The following ANKDD1A variants were observed in gnomAD, a reference collection of about 807,000 sequenced individuals.
The protein encoded by ANKDD1A is ankyrin repeat and death domain containing 1A.
ANKDD1A carries 59 observed loss-of-function variants against 63.5 expected under a neutral mutation model. That is an observed-to-expected ratio of 0.93 (90% CI 0.75 to 1.15). The LOEUF (loss-of-function observed/expected upper bound fraction) is 1.15. Among genes scored for constraint, ANKDD1A ranks in the 50% most tolerant of loss-of-function variants. The pLI, the probability that ANKDD1A is intolerant of heterozygous loss-of-function variation, is 0.00. For missense variants in ANKDD1A, 632 were observed against 656.4 expected, an observed-to-expected ratio of 0.96 and a Z score of 0.41; for synonymous variants, 266 against 263.9, an observed-to-expected ratio of 1.01 and a Z score of -0.08.
rs1490907752 is a variant in ANKDD1A at position 64,957,659 on chromosome 15, C to CTTCTA, written c.*474_*478dup. Reference sequence around the variant, plus strand: ...CACATTGTAGCTGTTCATGTGTCTGCTTCTATTGCATATTGTAAAATTATT... The same window carrying CTTCTA: ...CACATTGTAGCTGTTCATGTGTCTGCTTCTATTCTATTGCATATTGTAAAATTATT... On this transcript the variant is annotated 3_prime_UTR_variant, in exon 15 of 15. Transcript: ENST00000319580. 1 of 152,284 alleles carries CTTCTA rather than the reference C, an allele frequency of 6.6e-6. No individual in the cohort carries two copies. The highest frequency in any genetic ancestry group is 2.4e-5 in the African/African-American group (1 of 41,438). 9.4% of individuals were successfully genotyped at this position (152,284 alleles called of 1,614,324 possible).
intron 7 of ANKDD1A, 126 bp downstream of exon 7, chr15:64,931,046 C>A: frequency 1.0e-6 from 1 of 958,206 alleles, no homozygotes. Context: ...GAACTGAGAG[C>A]CCACCAGGGA....
intron 14 of ANKDD1A, among the ~76,000 whole-genome samples, chr15:64,951,623 TCTC>T (rs1460801494): frequency 0.17 from 6,273 of 36,512 alleles, 553 homozygotes; most frequent in African/African-American, 0.31. Context: ...TTATTCTTCT[TCTC>T]TTCTTTTCTT....
At chr15:64,954,806 TTCC>T (rs2085398399) in intron 14 of ANKDD1A, among the ~76,000 whole-genome samples, 2 of 150,786 alleles carry the variant, frequency 1.3e-5, no homozygotes, top group African/African-American at 2.4e-5. Flanking sequence ...GTTGTTCTTC[TTCC>T]TTGTTCTTCT....
chr15:64,956,717 G>A (rs966413518), intron 14 of ANKDD1A, among the ~76,000 whole-genome samples: 12 of 152,110 alleles, frequency 7.9e-5, no homozygotes, highest in African/African-American at 2.4e-4. Flanking sequence ...CATCATGCCC[G>A]GCTAATTTTT....
At position 64,940,389 on chromosome 15, in the gene ANKDD1A, ATGAT is replaced by A. The variant is rs543155984; in HGVS notation, c.868-2073_868-2070del. Among the ~76,000 whole-genome samples, 1,018 of 143,160 alleles carry A rather than the reference ATGAT, an allele frequency of 7.1e-3. 42 individuals carry two copies. The South Asian group carries it at 0.12, about 17-fold the overall frequency. The allele number at this position is 143,160 out of a possible 152,430, so 93.9% of individuals were successfully genotyped here. On this transcript the variant is annotated intron_variant, in intron 9 of 14. Transcript: ENST00000319580. Reference sequence around the variant, plus strand: ...CTCCACCATCCATGGTGGGGATAGGATGATTGATAGATAGATAGATAGATAGATA... The same window carrying A: ...CTCCACCATCCATGGTGGGGATAGGATGATAGATAGATAGATAGATAGATA...
intron 8 of ANKDD1A, chr15:64,932,147 C>T (rs939820034): frequency 6.5e-6 from 1 of 152,786 alleles, no homozygotes; most frequent in Non-Finnish European, 1.5e-5. Flanking sequence ...CCACCTGCCT[C>T]AGCCTTCCAA....
intron 6 of ANKDD1A, among the ~76,000 whole-genome samples, chr15:64,927,225 G>A (rs990448867): frequency 3.3e-5 from 5 of 152,244 alleles, no homozygotes; most frequent in Non-Finnish European, 1.5e-5. Context: ...CCAAGACACC[G>A]TTTCTTACTC....
At chr15:64,932,816 G>A (rs1312373831) in intron 8 of ANKDD1A, 1 of 152,074 alleles carries the variant, frequency 6.6e-6, no homozygotes, top group Admixed American at 6.5e-5. Context: ...TGGGCAAGGT[G>A]GCTCATGCCT....
chr15:64,926,074 G>A lies in ANKDD1A; in HGVS notation c.375G>A (p.Leu125=). Residue 125 remains leucine, a synonymous_variant, in exon 5 of 15, where the codon CTG becomes CTA. Coordinates refer to ENST00000319580, the MANE Select transcript of ANKDD1A (RefSeq NM_182703.6). ...AKIHCESKDG[L]TLLHCAAQKG... is the part of the protein sequence containing the mutation. ...CCTGCACTTGTTTCCAGGATGGCCT[G>A]ACCTTACTGCACTGCGCAGCCCAAA... 6.2e-7 allele frequency: 1 copy of A among 1,613,328 alleles called. No individual in the cohort carries two copies. Among genetic ancestry groups the A allele is most frequent in the African/African-American group, 1.3e-5 (1 of 75,044 alleles).
At chr15:64,952,399 CCTTCTT>C (rs200820237) in intron 14 of ANKDD1A, among the ~76,000 whole-genome samples, 6 of 56,744 alleles carry the variant, frequency 1.1e-4, no homozygotes, top group African/African-American at 3.4e-4. Flanking sequence ...TCTTCTTCCT[CCTTCTT>C]CTTCTTCTCC....
chr15:64,931,908 T>G (rs1665550766), intron 8 of ANKDD1A: 2 of 497,194 alleles, frequency 4.0e-6, no homozygotes, highest in Non-Finnish European at 7.2e-6. Flanking sequence ...TGTTTTAATT[T>G]TTTTGAGATG....
intron 9 of ANKDD1A, among the ~76,000 whole-genome samples, chr15:64,940,442 A>AGATT (rs1555442482): frequency 1.2e-4 from 18 of 149,066 alleles, no homozygotes; most frequent in African/African-American, 4.2e-4. Context: ...ATATATAGAT[A>AGATT]TTTTTTTTGA....
rs544046184 is a variant in ANKDD1A, at chr15:64,954,430, TTCG to T, written c.1484-2667_1484-2665del. Among the ~76,000 whole-genome samples, 1,257 of 146,164 alleles carry T rather than the reference TTCG, an allele frequency of 8.6e-3. 11 individuals carry two copies. The highest frequency in any genetic ancestry group is 0.021 in the South Asian group (93 of 4,330). ...CTCTTCTTCCTCCTCTCCTCCTTCGTTCGTCGTCTTCTCCTTCTTCTTCTTCCC... is the reference window on the plus strand; with the variant it reads ...CTCTTCTTCCTCCTCTCCTCCTTCGTTCGTCTTCTCCTTCTTCTTCTTCCC... On this transcript the variant is annotated intron_variant, in intron 14 of 14. Coordinates refer to ENST00000319580, the MANE Select transcript of ANKDD1A (RefSeq NM_182703.6).
At chr15:64,952,436 C>G (rs1349497716) in intron 14 of ANKDD1A, among the ~76,000 whole-genome samples, 1 of 136,418 alleles carries the variant, frequency 7.3e-6, no homozygotes, top group African/African-American at 2.8e-5. Flanking sequence ...TCTTCTCCTC[C>G]TCCTTTCTTC....
chr15:64,926,425 G>T (rs975264850), intron 5 of ANKDD1A, among the ~76,000 whole-genome samples: 11 of 152,156 alleles, frequency 7.2e-5, no homozygotes, highest in Non-Finnish European at 1.5e-4. Flanking sequence ...CATTGCTTCT[G>T]CTTCCTGGAG....
At chr15:64,920,231 A>G (rs1567110044) in intron 3 of ANKDD1A, among the ~76,000 whole-genome samples, 1 of 152,126 alleles carries the variant, frequency 6.6e-6, no homozygotes, top group Non-Finnish European at 1.5e-5. Context: ...CAGAGAAGAA[A>G]AGACTCCGGG....
intron 9 of ANKDD1A, 70 bp downstream of exon 9, chr15:64,934,304 A>C: frequency 1.4e-6 from 2 of 1,422,156 alleles, no homozygotes; most frequent in Non-Finnish European, 9.7e-7. Flanking sequence ...GATGAAGCAC[A>C]GGGAGAAACA....
chr15:64,944,409 G>T (rs981112232), intron 11 of ANKDD1A, among the ~76,000 whole-genome samples: 4 of 152,214 alleles, frequency 2.6e-5, no homozygotes, highest in African/African-American at 9.6e-5. Flanking sequence ...AAGCTCTAGA[G>T]CTTCCTAATT....
chr15:64,951,620 TCTTCTC>T (rs1391792340), intron 14 of ANKDD1A, among the ~76,000 whole-genome samples: 15 of 28,130 alleles, frequency 5.3e-4, no homozygotes, highest in African/African-American at 1.2e-3. Context: ...TCCTTATTCT[TCTTCTC>T]TTCTTTTCTT....
Sources: gnomAD v4.1 joint callset for allele counts (sites outside exome capture counted in the v4.1 genomes callset) on GRCh38, gnomAD v4.1.1 for gene constraint, MANE v1.5 for transcripts, NCBI Gene and HGNC (gene_info 2026-07-23, HGNC 2026-07-21) for gene names.